Variants in CCDC124 observed in about 807,000 individuals in gnomAD.
CCDC124 encodes the protein coiled-coil domain containing 124, also known as coiled-coil domain-containing protein 124.
Under a neutral mutation model 19.8 loss-of-function variants are expected in CCDC124, and 9 were observed. That is an observed-to-expected ratio of 0.45 (90% CI 0.27 to 0.79). The LOEUF (loss-of-function observed/expected upper bound fraction) is 0.79, where lower values mean the gene tolerates loss of function less well. Ranked by LOEUF, CCDC124 falls within the 30% of genes least tolerant of loss-of-function variation. The pLI, the probability that CCDC124 is intolerant of heterozygous loss-of-function variation, is 0.14. For missense variants in CCDC124, 285 were observed against 319.0 expected (o/e 0.89, Z 0.81); for synonymous variants, 126 against 131.3 (o/e 0.96, Z 0.27).
In CCDC124 at chr19:17,943,313, C is replaced by T. The variant is rs761462851; in HGVS notation, c.402C>T (p.Arg134=). Residue 134 remains arginine, a synonymous_variant, in exon 4 of 5, where the codon CGC becomes CGT. Coordinates refer to ENST00000445755, the MANE Select transcript of CCDC124 (RefSeq NM_001136203.2). ...TGCCGCTGGAGGAGAACGTGAACCGCCGCGTGCTGGAGGAGGGCAGCGTGG... is the reference window on the plus strand; with the variant it reads ...TGCCGCTGGAGGAGAACGTGAACCGTCGCGTGCTGGAGGAGGGCAGCGTGG... ...LEVPLEENVN[R]RVLEEGSVEA... is the part of the protein sequence containing the mutation. 3.1e-6 allele frequency: 5 copies of T among 1,590,868 alleles called. No homozygotes were observed. In the Admixed American group the frequency reaches 6.9e-5, roughly 22 times the overall value.
intron 1 of CCDC124, among the ~76,000 whole-genome samples, chr19:17,933,318 G>T (rs1214637846): frequency 6.6e-6 from 1 of 152,236 alleles, no homozygotes; most frequent in Non-Finnish European, 1.5e-5. Context: ...GGACAGAGTT[G>T]GGCGCGGACT....
chr19:17,943,332 A>G lies in CCDC124; in HGVS notation c.421A>G (p.Ser141Gly), dbSNP rs946315036. ...NVNRRVLEEG[S>G]VEARTIEDAI... The stretch of plus-strand genomic sequence containing the variant: ...GAACCGCCGCGTGCTGGAGGAGGGC[A>G]GCGTGGAGGCGCGCACCATCGAGGA... The change falls in exon 4 of 5, where the codon AGC becomes GGC. Residue 141 changes from serine (S) to glycine (G), a missense_variant. Physicochemically the swap from Ser to Gly is moderately conservative, Grantham distance 56. Transcript: ENST00000445755. 2.5e-5 allele frequency: 33 copies of G among 1,341,168 alleles called. No individual in the cohort carries two copies. The highest frequency in any genetic ancestry group is 1.3e-4 in the African/African-American group (8 of 59,688). 83.1% of individuals were successfully genotyped at this position (1,341,168 alleles called of 1,614,324 possible). A position where few individuals can be genotyped will look rare whatever the true frequency, so the allele number is the denominator to read the frequency against.
Position 17,943,857 on chromosome 19 carries a change from C to T in CCDC124, c.*142C>T, listed in dbSNP as rs1359696256. 5 of 765,786 alleles carry T rather than the reference C, an allele frequency of 6.5e-6. No individual in the cohort carries two copies. The highest frequency in any genetic ancestry group is 3.5e-5 in the African/African-American group (2 of 56,866). The allele number at this position is 765,786 out of a possible 1,614,324, so 47.4% of individuals were successfully genotyped here. On this transcript the variant is annotated 3_prime_UTR_variant, in exon 5 of 5. Transcript: ENST00000445755. ...CCCGGGGCCATGCTCTTATCACCAG[C>T]CACCCGTCCTCCCGCCAGAGGGTCC...
In CCDC124 at chr19:17,942,507, C is replaced by A; in HGVS notation, c.160-149C>A. ...GCCTCACATCCCCCGCCCAGGGCAG[C>A]ACCGGGACCTATCTTGTTCCTGGTA... On this transcript the variant is annotated intron_variant, in intron 2 of 4. Transcript: ENST00000445755. This position sits in a 1 kb window ranked among gnomAD's most constrained non-coding sequence, Gnocchi z 4.2. 2.3e-6 allele frequency: 2 copies of A among 872,948 alleles called. No homozygotes were observed. The highest frequency in any genetic ancestry group is 3.5e-6 in the Non-Finnish European group (2 of 574,326). The allele number at this position is 872,948 out of a possible 1,614,324, so 54.1% of individuals were successfully genotyped here. A position where few individuals can be genotyped will look rare whatever the true frequency, so the allele number is the denominator to read the frequency against.
Position 17,943,482 on chromosome 19 carries a change from C to T in CCDC124, c.465-26C>T, listed in dbSNP as rs370379719. 41 of 1,603,900 alleles carry T rather than the reference C, an allele frequency of 2.6e-5. No individual in the cohort carries two copies. The African/African-American group carries it at 2.9e-4, about 12-fold the overall frequency. On this transcript the variant is annotated intron_variant, in intron 4 of 4. Coordinates refer to ENST00000445755, the MANE Select transcript of CCDC124 (RefSeq NM_001136203.2). Reference sequence around the variant, plus strand: ...TTCGGGGCAAGGCTGCGCCCAAGGCCCCCTGACGCTCATGTCCACCCCCAG... The same window carrying T: ...TTCGGGGCAAGGCTGCGCCCAAGGCTCCCTGACGCTCATGTCCACCCCCAG...
chr19:17,933,475 G>T (rs1451553178), intron 1 of CCDC124, among the ~76,000 whole-genome samples: 3 of 152,076 alleles, frequency 2.0e-5, no homozygotes, highest in Non-Finnish European at 4.4e-5. Context: ...GTCTTGATTC[G>T]CTTCTAAGTG....
chr19:17,937,088 C>G (rs1483379065), intron 2 of CCDC124: 1 of 152,270 alleles, frequency 6.6e-6, no homozygotes, highest in African/African-American at 2.4e-5. Flanking sequence ...CAAGACCAGC[C>G]TGGCCAAAAT....
rs1217335705 is a variant in CCDC124, at chr19:17,943,720, A to C, written c.*5A>C. 6.2e-7 allele frequency: 1 copy of C among 1,611,674 alleles called. No homozygotes were observed. The highest frequency in any genetic ancestry group is 1.1e-5 in the South Asian group (1 of 90,942). ...CCCTTCAATGCCCCCAAGTGAGCCC[A>C]GAACTTGGGGAGCCAGTTCACCCAC... On this transcript the variant is annotated 3_prime_UTR_variant, in exon 5 of 5. Transcript: ENST00000445755.
intron 2 of CCDC124, among the ~76,000 whole-genome samples, chr19:17,940,257 G>A (rs1376573306): frequency 6.6e-6 from 1 of 152,098 alleles, no homozygotes; most frequent in African/African-American, 2.4e-5. Flanking sequence ...GCCTGTCCTA[G>A]GAGTGTGGGT....
Position 17,943,952 on chromosome 19 carries a change from C to A in CCDC124, c.*237C>A. 1 of 565,036 alleles carries A rather than the reference C, an allele frequency of 1.8e-6. No individual in the cohort carries two copies. 35.0% of individuals were successfully genotyped at this position (565,036 alleles called of 1,614,324 possible). A position where few individuals can be genotyped will look rare whatever the true frequency, so the allele number is the denominator to read the frequency against. ...TGTGTAGAGCCTCAGGGCTGAGTGC[C>A]CAATAAAGGTGGCGGCAAGGCTGCG... On this transcript the variant is annotated 3_prime_UTR_variant, in exon 5 of 5. Coordinates refer to ENST00000445755, the MANE Select transcript of CCDC124 (RefSeq NM_001136203.2).
At chr19:17,943,457 T>A in intron 4 of CCDC124, 51 bp from the exon 5 acceptor site, 1 of 1,585,986 alleles carries the variant, frequency 6.3e-7, no homozygotes. Context: ...GGCCGGGCTT[T>A]TCGGGGCAAG....
At chr19:17,940,660 G>A (rs910854784) in intron 2 of CCDC124, among the ~76,000 whole-genome samples, 2 of 151,226 alleles carry the variant, frequency 1.3e-5, no homozygotes, top group African/African-American at 4.9e-5. Context: ...CAGCTATTCC[G>A]GAGGCTGAGG....
intron 2 of CCDC124, among the ~76,000 whole-genome samples, chr19:17,937,982 C>T (rs1019051932): frequency 1.3e-5 from 2 of 152,172 alleles, no homozygotes; most frequent in African/African-American, 4.8e-5. Flanking sequence ...ATCCGCCTGC[C>T]TTGGCCTCCC....
chr19:17,942,573 T>C lies in CCDC124; in HGVS notation c.160-83T>C. 1 of 1,452,888 alleles carries C rather than the reference T, an allele frequency of 6.9e-7. No individual in the cohort carries two copies. Among genetic ancestry groups the C allele is most frequent in the African/African-American group, 1.4e-5 (1 of 70,996 alleles). The allele number at this position is 1,452,888 out of a possible 1,614,324, so 90.0% of individuals were successfully genotyped here. A position where few individuals can be genotyped will look rare whatever the true frequency, so the allele number is the denominator to read the frequency against. Reference sequence around the variant, plus strand: ...GCACAGAGCCTAAATCCTCGTTGGCTGAGATGAAAACTCGAACCCCAGGCT... The same window carrying C: ...GCACAGAGCCTAAATCCTCGTTGGCCGAGATGAAAACTCGAACCCCAGGCT... On this transcript the variant is annotated intron_variant, in intron 2 of 4. Coordinates refer to ENST00000445755, the MANE Select transcript of CCDC124 (RefSeq NM_001136203.2). This position sits in a 1 kb window ranked among gnomAD's most constrained non-coding sequence, Gnocchi z 4.2.
intron 1 of CCDC124, among the ~76,000 whole-genome samples, chr19:17,934,490 A>G (rs1304082509): frequency 1.3e-5 from 2 of 151,966 alleles, no homozygotes; most frequent in Non-Finnish European, 2.9e-5. Flanking sequence ...ATTCAGCCAT[A>G]AAAAGGAACG....
intron 2 of CCDC124, among the ~76,000 whole-genome samples, chr19:17,937,975 C>T (rs1365699190): frequency 1.3e-5 from 2 of 152,128 alleles, no homozygotes; most frequent in African/African-American, 4.8e-5. Context: ...TCAGGTGATC[C>T]GCCTGCCTTG....
chr19:17,943,843 G>T lies in CCDC124; in HGVS notation c.*128G>T, dbSNP rs1469567749. On this transcript the variant is annotated 3_prime_UTR_variant, in exon 5 of 5. Coordinates refer to ENST00000445755, the MANE Select transcript of CCDC124 (RefSeq NM_001136203.2). ...CCAAGGCGCCGGGCCCCGGGGCCAT[G>T]CTCTTATCACCAGCCACCCGTCCTC... is the stretch of plus-strand genomic sequence containing the variant. 2.1e-5 allele frequency: 19 copies of T among 889,076 alleles called. No individual in the cohort carries two copies. Among genetic ancestry groups the T allele is most frequent in the Admixed American group, 5.1e-5 (2 of 39,398 alleles). The allele number at this position is 889,076 out of a possible 1,614,324, so 55.1% of individuals were successfully genotyped here. A position where few individuals can be genotyped will look rare whatever the true frequency, so the allele number is the denominator to read the frequency against.
chr19:17,936,680 G>C, intron 2 of CCDC124, 101 bp downstream of exon 2: 1 of 1,426,502 alleles, frequency 7.0e-7, no homozygotes, highest in Non-Finnish European at 9.5e-7. Context: ...TCTGAGCTTT[G>C]GTCTGAAAGG....
chr19:17,943,787 C>T lies in CCDC124; in HGVS notation c.*72C>T. 1.4e-6 allele frequency: 2 copies of T among 1,471,892 alleles called. No homozygotes were observed. The highest frequency in any genetic ancestry group is 1.9e-6 in the Non-Finnish European group (2 of 1,070,270). The allele number at this position is 1,471,892 out of a possible 1,614,324, so 91.2% of individuals were successfully genotyped here. A position where few individuals can be genotyped will look rare whatever the true frequency, so the allele number is the denominator to read the frequency against. On this transcript the variant is annotated 3_prime_UTR_variant, in exon 5 of 5. Transcript: ENST00000445755. ...GACTCTGCACGCCCTTAGGCCAGGT[C>T]AGCTGCGAGGGTCACAGAGCGTTCC...
Sources: allele counts gnomAD v4.1 joint callset (sites outside exome capture counted in the v4.1 genomes callset), GRCh38; gene constraint gnomAD v4.1.1; non-coding constraint Gnocchi (gnomAD v3.1); transcripts MANE v1.5; gene names NCBI Gene and HGNC (gene_info 2026-07-23, HGNC 2026-07-21).